NRDE2: variants seen among roughly 807,000 people sequenced by gnomAD.
NRDE2 encodes nuclear exosome regulator NRDE2.
In NRDE2, 76 loss-of-function variants were observed where a neutral mutation model predicts 124.2. That is an observed-to-expected ratio of 0.61 (90% confidence interval 0.51 to 0.74). NRDE2 has a LOEUF of 0.74. Among genes scored for constraint, NRDE2 ranks in the 30% least tolerant of loss-of-function variants. NRDE2 has a pLI of 0.00. For missense variants in NRDE2, 1,314 were observed against 1,417.3 expected, an observed-to-expected ratio of 0.93 and a Z score of 1.17; for synonymous variants, 489 against 528.1, an observed-to-expected ratio of 0.93 and a Z score of 1.01.
Position 90,303,076 on chromosome 14 carries a change from T to C in NRDE2, c.1055A>G (p.Gln352Arg), listed in dbSNP as rs768584288. 1 of 1,614,034 alleles carries C rather than the reference T, an allele frequency of 6.2e-7. No homozygotes were observed. ...CTTCAGGGACCTCTTTCGCTTTTCCTGCTCTCCTTCCTCGATGGCATACAG... is the reference window on the plus strand; with the variant it reads ...CTTCAGGGACCTCTTTCGCTTTTCCCGCTCTCCTTCCTCGATGGCATACAG... ...PGLYAIEEGE[Q>R]EKRKRSLKLI... The change falls in exon 6 of 14, where the codon CAG becomes CGG. Residue 352 changes from glutamine (Q) to arginine (R), a missense_variant. Transcript: ENST00000354366.
intron 3 of NRDE2, among the ~76,000 whole-genome samples, chr14:90,314,111 T>C (rs889009285): frequency 6.6e-6 from 1 of 152,208 alleles, no homozygotes; most frequent in Non-Finnish European, 1.5e-5. Context: ...CAGGATATGG[T>C]AGTCTGGGCT....
intron 1 of NRDE2, among the ~76,000 whole-genome samples, chr14:90,328,304 C>CAAAAAA (rs60360850): frequency 4.5e-5 from 4 of 88,720 alleles, no homozygotes; most frequent in African/African-American, 1.2e-4. Context: ...ACTCTGTCTC[C>CAAAAAA]AAAAAAAAAA....
chr14:90,278,712 C>T lies in NRDE2; in HGVS notation c.3370-251G>A, dbSNP rs1469491292. ...TAAAAGGGGTCCAGGAATTGCTGGCCGTCGCCCTCAGTTTCACTTCTGAGT... is the reference window on the plus strand; with the variant it reads ...TAAAAGGGGTCCAGGAATTGCTGGCTGTCGCCCTCAGTTTCACTTCTGAGT... On this transcript the variant is annotated intron_variant, in intron 13 of 13. Coordinates refer to ENST00000354366, the MANE Select transcript of NRDE2 (RefSeq NM_017970.4). The T allele has an allele frequency of 6.3e-5, 34 of 540,216 alleles. 1 individual carries two copies. Among genetic ancestry groups the T allele is most frequent in the South Asian group, 3.9e-4 (16 of 41,086 alleles). 33.5% of individuals were successfully genotyped at this position (540,216 alleles called of 1,614,324 possible). A position where few individuals can be genotyped will look rare whatever the true frequency, so the allele number is the denominator to read the frequency against.
chr14:90,324,829 C>T (rs980666482), intron 1 of NRDE2, among the ~76,000 whole-genome samples: 1 of 152,128 alleles, frequency 6.6e-6, no homozygotes, highest in South Asian at 2.1e-4. Flanking sequence ...AGAGTTGTTA[C>T]GTGCATTCAA....
chr14:90,278,387 C>G lies in NRDE2; in HGVS notation c.3444G>C (p.Glu1148Asp). ...CCTCCAGCGGCAGGCGCACCCGGAG[C>G]TCCTTCTCAGTCATCAGGTCCAGGA... ...QEILDLMTEKELRVRLPLEEL... is the reference protein window; with the variant it reads ...QEILDLMTEKDLRVRLPLEEL... The change falls in exon 14 of 14, where the codon GAG (glutamate) becomes GAC (aspartate). Residue 1148 changes from glutamate to aspartate, a missense_variant. By Grantham distance (45) the Glu-to-Asp change is conservative. Coordinates refer to ENST00000354366, the MANE Select transcript of NRDE2 (RefSeq NM_017970.4). The G allele has an allele frequency of 6.2e-7, 1 of 1,614,170 alleles. No homozygotes were observed. Among genetic ancestry groups the G allele is most frequent in the Non-Finnish European group, 8.5e-7 (1 of 1,180,020 alleles).
intron 4 of NRDE2, among the ~76,000 whole-genome samples, chr14:90,305,360 C>G (rs1884560285): frequency 6.6e-6 from 1 of 152,232 alleles, no homozygotes; most frequent in Non-Finnish European, 1.5e-5. Flanking sequence ...GGGAAAAGAT[C>G]TGGCTGTTTC....
chr14:90,275,789 T>C lies in NRDE2; in HGVS notation c.*2547A>G, dbSNP rs1173209304. 3 of 152,248 alleles carry C rather than the reference T, an allele frequency of 2.0e-5. No homozygotes were observed. The highest frequency in any genetic ancestry group is 4.4e-5 in the Non-Finnish European group (3 of 68,048). 9.4% of individuals were successfully genotyped at this position (152,248 alleles called of 1,614,324 possible). On this transcript the variant is annotated 3_prime_UTR_variant, in exon 14 of 14. Coordinates refer to ENST00000354366, the MANE Select transcript of NRDE2 (RefSeq NM_017970.4). ...GCCTGCGGAAAACCCACTGGCTCTT[T>C]GGAGCCCTTCCTCAGTAGAACAATT...
At chr14:90,297,520 G>T (rs1336925054) in intron 8 of NRDE2, among the ~76,000 whole-genome samples, 2 of 152,154 alleles carry the variant, frequency 1.3e-5, no homozygotes, top group African/African-American at 2.4e-5. Context: ...CATTTAGAGT[G>T]ACAGTTATGT....
Position 90,272,268 on chromosome 14 carries a change from T to A in NRDE2, c.*6068A>T. 6.2e-7 allele frequency: 1 copy of A among 1,602,006 alleles called. No homozygotes were observed. Among genetic ancestry groups the A allele is most frequent in the Non-Finnish European group, 8.5e-7 (1 of 1,177,702 alleles). On this transcript the variant is annotated 3_prime_UTR_variant, in exon 14 of 14. Transcript: ENST00000354366. This position sits in a 1 kb window ranked among gnomAD's most constrained non-coding sequence, Gnocchi z 4.5. ...ACTTTCTGAACACACTCTTCTTTCT[T>A]ACAGGCAATCTGTACAGAAGCTGGT... is the stretch of plus-strand genomic sequence containing the variant.
At chr14:90,317,962 TAAACTGACAAAAACG>T (rs1417940912) in intron 2 of NRDE2, 28 bp downstream of exon 2, 12 of 1,479,636 alleles carry the variant, frequency 8.1e-6, no homozygotes, top group Non-Finnish European at 1.1e-5. Context: ...CTATAGACAG[TAAACTGACAAAAACG>T]AAAACACATC....
chr14:90,284,342 T>A (rs1892041463), intron 12 of NRDE2, among the ~76,000 whole-genome samples: 1 of 150,698 alleles, frequency 6.6e-6, no homozygotes, highest in Admixed American at 6.6e-5. Context: ...TCACTTTGTT[T>A]TTTTTCTATT....
In NRDE2 at chr14:90,290,391, C is replaced by T. The variant is rs1892240696; in HGVS notation, c.2059G>A (p.Ala687Thr). ...CTATCCATGCGGCCAACACAGCTAG[C>T]CCCAGAAAACAAAGGGTTGAAAAAA... ...LTFFNPLFSG[A>T]SCVGRMDRLG... The change falls in exon 10 of 14, where the codon GCT (alanine) becomes ACT (threonine). Residue 687 changes from alanine to threonine, a missense_variant. Physicochemically the swap from Ala to Thr is moderately conservative, Grantham distance 58 (BLOSUM62 0). Transcript: ENST00000354366. 1.2e-6 allele frequency: 2 copies of T among 1,614,074 alleles called. No individual in the cohort carries two copies. Among genetic ancestry groups the T allele is most frequent in the Non-Finnish European group, 1.7e-6 (2 of 1,180,034 alleles).
intron 4 of NRDE2, among the ~76,000 whole-genome samples, chr14:90,305,645 C>T (rs543158121): frequency 6.6e-6 from 1 of 152,298 alleles, no homozygotes; most frequent in East Asian, 1.9e-4. Context: ...AAACATTACA[C>T]TGAGTGAAAG....
In NRDE2 at chr14:90,272,176, G is replaced by A; in HGVS notation, c.*6160C>T. On this transcript the variant is annotated 3_prime_UTR_variant, in exon 14 of 14. Transcript: ENST00000354366. This position sits in a 1 kb window ranked among gnomAD's most constrained non-coding sequence, Gnocchi z 4.5. ...CCCAGAGTGCTGGGATTACAGGTGT[G>A]AGCCACCGCGCCTGGCCTCAGAATA... 1.4e-6 allele frequency: 2 copies of A among 1,399,102 alleles called. No individual in the cohort carries two copies. The highest frequency in any genetic ancestry group is 2.0e-6 in the Non-Finnish European group (2 of 1,024,484). The allele number at this position is 1,399,102 out of a possible 1,614,324, so 86.7% of individuals were successfully genotyped here.
intron 1 of NRDE2, among the ~76,000 whole-genome samples, chr14:90,327,458 C>T (rs915674577): frequency 6.6e-5 from 10 of 151,760 alleles, no homozygotes; most frequent in South Asian, 2.1e-4. Flanking sequence ...CTGAGACAGG[C>T]GGACTGCTTG....
At chr14:90,301,761 T>C (rs760100241) in intron 6 of NRDE2, 51 of 456,414 alleles carry the variant, frequency 1.1e-4, no homozygotes, top group Non-Finnish European at 1.8e-4. Context: ...GATCACTAGA[T>C]GGCATTACTC....
chr14:90,312,527 C>T lies in NRDE2; in HGVS notation c.424G>A (p.Ala142Thr), dbSNP rs1262341426. 1.2e-6 allele frequency: 2 copies of T among 1,614,012 alleles called. No individual in the cohort carries two copies. Among genetic ancestry groups the T allele is most frequent in the Non-Finnish European group, 1.7e-6 (2 of 1,180,022 alleles). ...ACAAAGCGATGTCCAGTATCAGCTG[C>T]AGCATTATTTCCTTGACTGTGGGAC... The part of the protein sequence containing the change: ...SEEPNQGNNA[A>T]ADTGHRFVWL... Residue 142 changes from alanine (A) to threonine (T), a missense_variant, in exon 4 of 14, where the codon GCA (alanine) becomes ACA (threonine). Coordinates refer to ENST00000354366, the MANE Select transcript of NRDE2 (RefSeq NM_017970.4).
intron 7 of NRDE2, among the ~76,000 whole-genome samples, chr14:90,298,622 A>G (rs908388569): frequency 2.6e-5 from 4 of 152,202 alleles, no homozygotes; most frequent in African/African-American, 4.8e-5. Context: ...TCACACTCGC[A>G]TGTGAGCTGG....
intron 12 of NRDE2, among the ~76,000 whole-genome samples, chr14:90,284,696 G>A (rs982676786): frequency 2.6e-5 from 4 of 152,088 alleles, no homozygotes; most frequent in African/African-American, 9.7e-5. Context: ...TTTCCGAAAC[G>A]TACAATATTC....
Sources: allele counts gnomAD v4.1 joint callset (sites outside exome capture counted in the v4.1 genomes callset), GRCh38; gene constraint gnomAD v4.1.1; non-coding constraint Gnocchi (gnomAD v3.1); transcripts MANE v1.5; gene names NCBI Gene and HGNC (gene_info 2026-07-23, HGNC 2026-07-21).